The following SEC31A variants were observed in gnomAD, a reference collection of about 807,000 sequenced individuals.
SEC31A encodes the protein protein transport protein Sec31A.
A neutral mutation model predicts 151.0 loss-of-function variants in SEC31A; 70 were observed. That is an observed-to-expected ratio of 0.46 (90% CI 0.38 to 0.57). The LOEUF is 0.57. Among genes scored for constraint, SEC31A ranks in the 20% least tolerant of loss-of-function variants. SEC31A has a pLI of 0.00. For synonymous variants in SEC31A, 475 were observed against 505.9 expected, an observed-to-expected ratio of 0.94 and a Z score of 0.82; for missense variants, 1,330 against 1,471.2, an observed-to-expected ratio of 0.90 and a Z score of 1.57.
intron 22 of SEC31A, among the ~76,000 whole-genome samples, chr4:82,833,060 T>C (rs1159684335): frequency 6.6e-6 from 1 of 152,222 alleles, no homozygotes; most frequent in Non-Finnish European, 1.5e-5. Flanking sequence ...ACTGGGCATA[T>C]ATCCAAAAGA....
chr4:82,872,045 A>G lies in SEC31A; in HGVS notation c.681T>C (p.Thr227=), dbSNP rs1241180577. 1 of 1,614,156 alleles carries G rather than the reference A, an allele frequency of 6.2e-7. No homozygotes were observed. The highest frequency in any genetic ancestry group is 8.5e-7 in the Non-Finnish European group (1 of 1,179,994). Residue 227 remains threonine, a synonymous_variant, in exon 7 of 27, where the codon ACT becomes ACC. Transcript: ENST00000395310. ...CATCCTCGGAGGCAAGGACCATCTG[A>G]GTAGCAACATCAGGATGCCATGCCA... ...SGLAWHPDVA[T]QMVLASEDDR... is the part of the protein sequence containing the mutation.
Position 82,881,947 on chromosome 4 carries a change from G to T in SEC31A, c.-4-7C>A. ...TTCCTTTAACTTCATCCTGCTAAAG[G>T]GAATATTTTATACAGAAACAGCCTT... On this transcript the variant is annotated splice_region_variant and splice_polypyrimidine_tract_variant and intron_variant, in intron 1 of 26. Coordinates refer to ENST00000395310, the MANE Select transcript of SEC31A (RefSeq NM_001077207.4). 6.2e-7 allele frequency: 1 copy of T among 1,610,666 alleles called. No individual in the cohort carries two copies. The highest frequency in any genetic ancestry group is 8.5e-7 in the Non-Finnish European group (1 of 1,176,958).
Position 82,878,907 on chromosome 4 carries a change from C to G in SEC31A, c.225G>C (p.Gly75=), listed in dbSNP as rs111604694. ...CTCCTTTGGAATCCATTTTATAAGG[C>G]CCCCAAATCAACTTGTGGTACCTAC... ...SSHRYHKLIW[G]PYKMDSKGDV... Residue 75 remains glycine, a synonymous_variant, in exon 4 of 27, where the codon GGG becomes GGC. Transcript: ENST00000395310. 1 of 1,613,256 alleles carries G rather than the reference C, an allele frequency of 6.2e-7. No homozygotes were observed. The highest frequency in any genetic ancestry group is 1.7e-5 in the Admixed American group (1 of 59,988).
chr4:82,857,832 AT>A, intron 14 of SEC31A, 68 bp from the exon 15 acceptor site: 1 of 955,902 alleles, frequency 1.0e-6, no homozygotes, highest in Non-Finnish European at 1.6e-6. Flanking sequence ...GACAAAAAAA[AT>A]TTACACATGA....
chr4:82,822,571 T>A (rs774409706), intron 25 of SEC31A, among the ~76,000 whole-genome samples: 24 of 152,204 alleles, frequency 1.6e-4, no homozygotes, highest in Non-Finnish European at 3.2e-4. Context: ...AAAATTACTT[T>A]GTGCTGTTTA....
intron 22 of SEC31A, among the ~76,000 whole-genome samples, chr4:82,833,323 C>T (rs1726419889): frequency 6.6e-6 from 1 of 152,098 alleles, no homozygotes; most frequent in South Asian, 2.1e-4. Context: ...CCAAACACCA[C>T]ATGTTCTCAC....
chr4:82,841,463 T>TAC (rs1290604854), intron 22 of SEC31A, among the ~76,000 whole-genome samples: 2 of 95,858 alleles, frequency 2.1e-5, no homozygotes, highest in African/African-American at 7.7e-5. Context: ...TATATATATA[T>TAC]ATATACACAC....
At chr4:82,893,467 T>C (rs1560684792), upstream of SEC31A, 1 of 152,216 alleles carries the variant, frequency 6.6e-6, no homozygotes, top group Non-Finnish European at 1.5e-5. Context: ...ACAAGATACA[T>C]GAATGTTTAT....
chr4:82,837,596 G>A (rs1159704390), intron 22 of SEC31A, among the ~76,000 whole-genome samples: 1 of 152,054 alleles, frequency 6.6e-6, no homozygotes, highest in East Asian at 1.9e-4. Flanking sequence ...TGTTGCCTAG[G>A]CTGGTCTCGA....
chr4:82,880,124 G>T (rs537589871), intron 3 of SEC31A, among the ~76,000 whole-genome samples: 100 of 150,802 alleles, frequency 6.6e-4, no homozygotes, highest in Non-Finnish European at 1.3e-3. Context: ...CAGAGGTTGT[G>T]GTGAGCCGAG....
At chr4:82,892,478 T>C (rs1370166367), upstream of SEC31A, among the ~76,000 whole-genome samples, 1 of 152,232 alleles carries the variant, frequency 6.6e-6, no homozygotes, top group Non-Finnish European at 1.5e-5. Context: ...CACTTTCAAA[T>C]CTAATCACAT....
At chr4:82,840,031 G>A (rs527525904) in intron 22 of SEC31A, among the ~76,000 whole-genome samples, 1 of 152,266 alleles carries the variant, frequency 6.6e-6, no homozygotes, top group South Asian at 2.1e-4. Flanking sequence ...TAAACTACCT[G>A]GTATAGAAGA....
intron 21 of SEC31A, chr4:82,843,725 G>A (rs1435323810): frequency 2.0e-5 from 3 of 150,506 alleles, no homozygotes; most frequent in Non-Finnish European, 4.4e-5. Context: ...TCACTTTCCA[G>A]GTATAATTAT....
intron 3 of SEC31A, chr4:82,898,142 T>C (rs1720142713): frequency 6.6e-6 from 1 of 152,252 alleles, no homozygotes; most frequent in Non-Finnish European, 1.5e-5. Flanking sequence ...TAATACAGCT[T>C]ACATATCCTC....
intron 10 of SEC31A, 139 bp from the exon 11 acceptor site, chr4:82,864,737 C>A: frequency 1.7e-6 from 1 of 605,744 alleles, no homozygotes; most frequent in South Asian, 2.3e-5. Flanking sequence ...GACACCACTT[C>A]AATTTCTGTT....
chr4:82,821,004 G>A (rs748219050), intron 26 of SEC31A, 33 bp downstream of exon 26: 21 of 1,562,900 alleles, frequency 1.3e-5, no homozygotes, highest in East Asian at 9.0e-5. Context: ...AGGAATAAAT[G>A]ATTATCATAA....
chr4:82,826,509 C>A (rs960161169), intron 24 of SEC31A, among the ~76,000 whole-genome samples: 1 of 152,146 alleles, frequency 6.6e-6, no homozygotes, highest in African/African-American at 2.4e-5. Context: ...GCCGCCACCA[C>A]GCCCAGCTAA....
At chr4:82,845,349 G>A (rs531363959) in intron 20 of SEC31A, 2 of 1,064,264 alleles carry the variant, frequency 1.9e-6, no homozygotes, top group African/African-American at 3.3e-5. Context: ...AACGTTAAAA[G>A]AAGAAAAAAA....
In SEC31A at chr4:82,875,788, T is replaced by G. The variant is rs1361619006; in HGVS notation, c.437A>C (p.Glu146Ala). 2 of 1,608,330 alleles carry G rather than the reference T, an allele frequency of 1.2e-6. No individual in the cohort carries two copies. The highest frequency in any genetic ancestry group is 1.7e-6 in the Non-Finnish European group (2 of 1,177,000). ...ATTATTTAGATCCCATATGTAGATTTCAGATTCATTAGCACCAGAAGCTAC... is the reference window on the plus strand; with the variant it reads ...ATTATTTAGATCCCATATGTAGATTGCAGATTCATTAGCACCAGAAGCTAC... ...NLVASGANES[E>A]IYIWDLNNFA... The change falls in exon 5 of 27, where the codon GAA (glutamate) becomes GCA (alanine). Residue 146 changes from glutamate to alanine, a missense_variant. Transcript: ENST00000395310.
Sources: allele counts gnomAD v4.1 joint callset (sites outside exome capture counted in the v4.1 genomes callset), GRCh38; gene constraint gnomAD v4.1.1; transcripts MANE v1.5; gene names NCBI Gene and HGNC (gene_info 2026-07-23, HGNC 2026-07-21).